The following SLC17A6 variants were observed in gnomAD, a reference collection of about 807,000 sequenced individuals.
SLC17A6 encodes the protein solute carrier family 17 member 6, also known as vesicular glutamate transporter 2.
SLC17A6 carries 35 observed loss-of-function variants against 67.1 expected under a neutral mutation model. That is an observed-to-expected ratio of 0.52 (90% CI 0.40 to 0.69). The LOEUF is 0.69. Ranked by LOEUF, SLC17A6 falls within the 30% of genes least tolerant of loss-of-function variation. SLC17A6 has a pLI of 0.00. For synonymous variants in SLC17A6, 285 were observed against 252.3 expected (o/e 1.13, Z -1.23); for missense variants, 588 against 723.9 (o/e 0.81, Z 2.15).
At chr11:22,339,145 ATATATAG>A (rs1855778963) in intron 1 of SLC17A6, among the ~76,000 whole-genome samples, 3 of 8,154 alleles carry the variant, frequency 3.7e-4, no homozygotes, top group Admixed American at 1.5e-3. Flanking sequence ...TATATATGTT[ATATATAG>A]TTATATATAT....
At chr11:22,343,702 G>GT (rs1164731319) in intron 3 of SLC17A6, among the ~76,000 whole-genome samples, 1 of 152,178 alleles carries the variant, frequency 6.6e-6, no homozygotes, top group African/African-American at 2.4e-5. Context: ...GTGCGCCTGA[G>GT]TGCACAAAGG....
intron 11 of SLC17A6, among the ~76,000 whole-genome samples, chr11:22,377,152 G>A (rs1001415592): frequency 1.3e-5 from 2 of 152,130 alleles, no homozygotes; most frequent in Middle Eastern, 3.4e-3. Flanking sequence ...AAGAGATTAT[G>A]AATATTTTAA....
At chr11:22,365,779 A>C (rs1856105309) in intron 7 of SLC17A6, 90 bp downstream of exon 7, 2 of 1,379,440 alleles carry the variant, frequency 1.4e-6, no homozygotes, top group Admixed American at 4.8e-5. Context: ...CTTCCTCAGC[A>C]AAACTAATTT....
At chr11:22,375,933 G>C (rs754329501) in intron 9 of SLC17A6, 49 bp from the exon 10 acceptor site, 1 of 1,431,100 alleles carries the variant, frequency 7.0e-7, no homozygotes, top group Non-Finnish European at 9.6e-7. Context: ...TGGCTCATTG[G>C]TAAAATTTCA....
At chr11:22,341,440 C>A in intron 1 of SLC17A6, 88 bp from the exon 2 acceptor site, 1 of 1,538,098 alleles carries the variant, frequency 6.5e-7, no homozygotes, top group East Asian at 2.3e-5. Flanking sequence ...TCCTCCCAAC[C>A]CCGACGGGTC....
At chr11:22,367,442 T>C (rs1257400273) in intron 7 of SLC17A6, among the ~76,000 whole-genome samples, 1 of 152,184 alleles carries the variant, frequency 6.6e-6, no homozygotes, top group East Asian at 1.9e-4. Flanking sequence ...ATTAGAACTT[T>C]CCTCTTTGTG....
intron 3 of SLC17A6, among the ~76,000 whole-genome samples, chr11:22,345,314 GA>G (rs1855864833): frequency 7.0e-6 from 1 of 143,028 alleles, no homozygotes; most frequent in Admixed American, 7.0e-5. Flanking sequence ...TTACTCAAAA[GA>G]TTTTTTTTTT....
At chr11:22,362,358 G>A in intron 5 of SLC17A6, 1 of 334,840 alleles carries the variant, frequency 3.0e-6, no homozygotes, top group Non-Finnish European at 5.9e-6. Context: ...GCACGAATTT[G>A]CTACAAGGAG....
intron 3 of SLC17A6, among the ~76,000 whole-genome samples, chr11:22,356,798 T>A (rs912142765): frequency 1.3e-5 from 2 of 152,226 alleles, no homozygotes; most frequent in African/African-American, 4.8e-5. Flanking sequence ...ATAGTGCCAC[T>A]GCACTCCAGC....
At chr11:22,352,510 T>C (rs1855951844) in intron 3 of SLC17A6, among the ~76,000 whole-genome samples, 1 of 152,208 alleles carries the variant, frequency 6.6e-6, no homozygotes, top group Non-Finnish European at 1.5e-5. Context: ...AAGTTATAAT[T>C]ACCCTCAGTT....
intron 3 of SLC17A6, among the ~76,000 whole-genome samples, chr11:22,345,131 G>A (rs142772371): frequency 6.6e-5 from 10 of 151,172 alleles, no homozygotes; most frequent in African/African-American, 2.4e-4. Flanking sequence ...TTTTCCTGCC[G>A]GGAAAAAACA....
Position 22,365,701 on chromosome 11 carries a change from A to T in SLC17A6, c.891+12A>T. The T allele has an allele frequency of 6.2e-7, 1 of 1,612,074 alleles. No individual in the cohort carries two copies. Among genetic ancestry groups the T allele is most frequent in the South Asian group, 1.1e-5 (1 of 90,858 alleles). ...TAGGTGCAATGGAAGTAAGAAATTT[A>T]TTATGGTGTATATTCCTATCTTATT... On this transcript the variant is annotated intron_variant, in intron 7 of 11. Transcript: ENST00000263160.
chr11:22,364,372 C>A (rs904369339), intron 6 of SLC17A6, among the ~76,000 whole-genome samples: 5 of 152,034 alleles, frequency 3.3e-5, no homozygotes, highest in African/African-American at 1.2e-4. Context: ...TATATTACCT[C>A]CTTTAACTTT....
At chr11:22,359,360 T>A in intron 3 of SLC17A6, 53 bp from the exon 4 acceptor site, 1 of 1,097,426 alleles carries the variant, frequency 9.1e-7, no homozygotes, top group Non-Finnish European at 1.3e-6. Context: ...TTTAGATATG[T>A]ATATATAAGA....
At chr11:22,372,077 G>A (rs1856180946) in intron 8 of SLC17A6, among the ~76,000 whole-genome samples, 1 of 151,948 alleles carries the variant, frequency 6.6e-6, no homozygotes, top group South Asian at 2.1e-4. Context: ...CCAAATTTAG[G>A]TGAAGTAAGT....
In SLC17A6 at chr11:22,378,871, A is replaced by T. The variant is rs1856264243; in HGVS notation, c.*1131A>T. 1 of 152,176 alleles carries T rather than the reference A, an allele frequency of 6.6e-6. No individual in the cohort carries two copies. Among genetic ancestry groups the T allele is most frequent in the Non-Finnish European group, 1.5e-5 (1 of 67,992 alleles). 9.4% of individuals were successfully genotyped at this position (152,176 alleles called of 1,614,324 possible). On this transcript the variant is annotated 3_prime_UTR_variant, in exon 12 of 12. Coordinates refer to ENST00000263160, the MANE Select transcript of SLC17A6 (RefSeq NM_020346.3). ...CTATATATATCTGTATATCTTATAC[A>T]TGTCCATACACAGAAACATAATAAA...
intron 9 of SLC17A6, among the ~76,000 whole-genome samples, chr11:22,375,121 C>T (rs987603265): frequency 2.6e-5 from 4 of 152,070 alleles, no homozygotes; most frequent in African/African-American, 7.2e-5. Context: ...GCCTGTAATC[C>T]CAGCACTTTG....
chr11:22,338,412 C>A lies in SLC17A6; in HGVS notation c.-122C>A, dbSNP rs1449734900. On this transcript the variant is annotated 5_prime_UTR_variant, in exon 1 of 12. Transcript: ENST00000263160. ...ACTCTTGCTGGAGGCGAGCCACTAC[C>A]ATTCTGCTGAGAAGGAAAAGCCCGC... The A allele has an allele frequency of 7.4e-6, 5 of 675,688 alleles. No homozygotes were observed. Among genetic ancestry groups the A allele is most frequent in the Non-Finnish European group, 1.3e-5 (5 of 380,674 alleles). 41.9% of individuals were successfully genotyped at this position (675,688 alleles called of 1,614,324 possible).
chr11:22,376,092 G>T lies in SLC17A6; in HGVS notation c.1285G>T (p.Gly429Cys). ...AVGFSGFAIS[G>C]FNVNHLDIAP... The stretch of plus-strand genomic sequence containing the variant: ...GGGATTCAGTGGATTTGCTATATCT[G>T]GTAAGATATAATTTTTTTTCTTTGT... Residue 429 changes from glycine to cysteine, a missense_variant and splice_region_variant, in exon 10 of 12, where the codon GGT becomes TGT. Around this residue, in one of 4 missense-constraint regions of SLC17A6, gnomAD observed 414 missense variants for 563.4 expected, o/e 0.73. Transcript: ENST00000263160. 1 of 1,599,198 alleles carries T rather than the reference G, an allele frequency of 6.3e-7. No homozygotes were observed. Among genetic ancestry groups the T allele is most frequent in the Non-Finnish European group, 8.6e-7 (1 of 1,169,446 alleles).
Sources: gnomAD v4.1 joint callset for allele counts (sites outside exome capture counted in the v4.1 genomes callset) on GRCh38, gnomAD v4.1.1 for gene constraint, gnomAD v4.1.1 regional missense constraint, MANE v1.5 for transcripts, NCBI Gene and HGNC (gene_info 2026-07-23, HGNC 2026-07-21) for gene names.